The following SYT2 variants were observed in gnomAD, a reference collection of about 807,000 sequenced individuals.
SYT2 encodes the protein synaptotagmin-2.
A neutral mutation model predicts 39.9 loss-of-function variants in SYT2; 15 were observed. That is an observed-to-expected ratio of 0.38 (90% CI 0.25 to 0.58). The LOEUF (loss-of-function observed/expected upper bound fraction) is 0.58. Among genes scored for constraint, SYT2 ranks in the 20% least tolerant of loss-of-function variants. The pLI is 0.70. For missense variants in SYT2, 389 were observed against 530.3 expected (o/e 0.73, Z 2.62); for synonymous variants, 181 against 204.5 (o/e 0.89, Z 0.98).
intron 1 of SYT2, among the ~76,000 whole-genome samples, chr1:202,669,592 C>CAA (rs573028451): frequency 2.8e-5 from 4 of 142,668 alleles, no homozygotes; most frequent in African/African-American, 1.0e-4. Context: ...GACTGCATCT[C>CAA]AAAAAAAAAA....
chr1:202,623,988 T>C lies in SYT2; in HGVS notation c.-17-18199A>G, dbSNP rs868143425. Among the ~76,000 whole-genome samples the C allele has an allele frequency of 6.6e-6, 1 of 152,248 alleles. No individual in the cohort carries two copies. ...CATCTTCAATTTCAGCTACAAACTGTTACAAATTGATGCATTTTCTTTCTG... is the reference window on the plus strand; with the variant it reads ...CATCTTCAATTTCAGCTACAAACTGCTACAAATTGATGCATTTTCTTTCTG... On this transcript the variant is annotated intron_variant, in intron 1 of 8. Transcript: ENST00000367268. This position sits in a 1 kb window ranked among gnomAD's most constrained non-coding sequence, Gnocchi z 4.2.
chr1:202,599,246 C>T lies in SYT2; in HGVS notation c.1025G>A (p.Ser342Asn). ...TLNPYFNESFSFEIPFEQIQK... is the reference protein window; with the variant it reads ...TLNPYFNESFNFEIPFEQIQK... ...AATCTGCTCGAAGGGGATCTCAAAG[C>T]TGAAGGACTCGTTGAAGTATGGGTT... The change falls in exon 8 of 9, where the codon AGC becomes AAC. Residue 342 changes from serine (S) to asparagine (N), a missense_variant. By Grantham distance (46) the Ser-to-Asn change is conservative (BLOSUM62 1). Transcript: ENST00000367268. This position sits in a 1 kb window ranked among gnomAD's most constrained non-coding sequence, Gnocchi z 4.4. 6.2e-7 allele frequency: 1 copy of T among 1,613,254 alleles called. No individual in the cohort carries two copies. Among genetic ancestry groups the T allele is most frequent in the South Asian group, 1.1e-5 (1 of 90,898 alleles).
chr1:202,701,757 T>A, intron 1 of SYT2, among the ~76,000 whole-genome samples: 1 of 152,184 alleles, frequency 6.6e-6, no homozygotes, highest in East Asian at 1.9e-4. Context: ...TGGACCCCCC[T>A]GAAAATTCTT....
intron 1 of SYT2, chr1:202,639,821 G>A (rs1429136749): frequency 1.3e-5 from 13 of 985,346 alleles, no homozygotes; most frequent in Non-Finnish European, 1.6e-5. Flanking sequence ...GAGGACACAG[G>A]ACGTTGGGGC....
chr1:202,659,959 C>T (rs905209996), intron 1 of SYT2, among the ~76,000 whole-genome samples: 1 of 152,184 alleles, frequency 6.6e-6, no homozygotes, highest in East Asian at 1.9e-4. Context: ...GCAGGAGGTA[C>T]CTCCAGACCT....
intron 1 of SYT2, among the ~76,000 whole-genome samples, chr1:202,703,418 G>A (rs1654172012): frequency 2.0e-5 from 3 of 152,138 alleles, no homozygotes; most frequent in African/African-American, 7.2e-5. Context: ...AGGAACAAGT[G>A]GGGAGGGAGA....
chr1:202,664,860 T>C (rs1190299612), intron 1 of SYT2, among the ~76,000 whole-genome samples: 1 of 152,192 alleles, frequency 6.6e-6, no homozygotes, highest in African/African-American at 2.4e-5. Flanking sequence ...GGTTTCACCA[T>C]GTGGGCCAGG....
rs1303425047 is a variant in SYT2, at chr1:202,599,645, A to G, written c.920-294T>C. Among the ~76,000 whole-genome samples, 1 of 152,176 alleles carries G rather than the reference A, an allele frequency of 6.6e-6. No homozygotes were observed. Among genetic ancestry groups the G allele is most frequent in the Non-Finnish European group, 1.5e-5 (1 of 68,032 alleles). On this transcript the variant is annotated intron_variant, in intron 7 of 8. Transcript: ENST00000367268. This position sits in a 1 kb window ranked among gnomAD's most constrained non-coding sequence, Gnocchi z 4.4. ...TCTGGGGATTCATCTGTGATCCTGT[A>G]CTGGGGAGTGGGTGGGGAGTGCTGA... is the stretch of plus-strand genomic sequence containing the variant.
chr1:202,637,153 C>T (rs1691761449), intron 1 of SYT2, among the ~76,000 whole-genome samples: 1 of 152,144 alleles, frequency 6.6e-6, no homozygotes, highest in Non-Finnish European at 1.5e-5. Context: ...GAAACCCTGC[C>T]TCTACCAAAA....
At chr1:202,682,693 G>A (rs941766068) in intron 1 of SYT2, among the ~76,000 whole-genome samples, 7 of 152,080 alleles carry the variant, frequency 4.6e-5, no homozygotes, top group Admixed American at 3.3e-4. Context: ...GGGGACAACC[G>A]AGAGTCAAGG....
At chr1:202,617,192 C>A (rs1180149063) in intron 1 of SYT2, among the ~76,000 whole-genome samples, 1 of 152,192 alleles carries the variant, frequency 6.6e-6, no homozygotes. Flanking sequence ...TGCTGTGCCC[C>A]CTTCAAGGAG....
At chr1:202,632,487 G>C in intron 1 of SYT2, 3 of 892,934 alleles carry the variant, frequency 3.4e-6, no homozygotes, top group Non-Finnish European at 4.0e-6. Context: ...TGGAAGAAAG[G>C]CTGCGTAGCC....
intron 1 of SYT2, among the ~76,000 whole-genome samples, chr1:202,657,290 C>T (rs1183563326): frequency 6.6e-6 from 1 of 152,184 alleles, no homozygotes. Context: ...AGCAACCCAC[C>T]AGAAGAGTCT....
In SYT2 at chr1:202,623,132, G is replaced by A. The variant is rs1390061105; in HGVS notation, c.-17-17343C>T. On this transcript the variant is annotated intron_variant, in intron 1 of 8. Coordinates refer to ENST00000367268, the MANE Select transcript of SYT2 (RefSeq NM_177402.5). The surrounding 1 kb of genome is among the most constrained non-coding windows in gnomAD (Gnocchi z 4.2). ...AGGGGGCAGAGGGATGCCCCCGCCA[G>A]GCAAGCCCCTCAGCACACCCTCCGC... Among the ~76,000 whole-genome samples the A allele has an allele frequency of 3.9e-5, 6 of 152,166 alleles. No homozygotes were observed. The highest frequency in any genetic ancestry group is 2.9e-5 in the Non-Finnish European group (2 of 67,998).
intron 1 of SYT2, among the ~76,000 whole-genome samples, chr1:202,686,533 G>A (rs1653672216): frequency 6.6e-6 from 1 of 152,124 alleles, no homozygotes; most frequent in Non-Finnish European, 1.5e-5. Context: ...TGAGAAAGAA[G>A]TGGCATGATA....
rs541777130 is a variant in SYT2, at chr1:202,629,748, C to T, written c.-17-23959G>A. Among the ~76,000 whole-genome samples the T allele has an allele frequency of 2.7e-3, 404 of 151,924 alleles. 4 individuals carry two copies. Among genetic ancestry groups the T allele is most frequent in the African/African-American group, 8.7e-3 (362 of 41,416 alleles). On this transcript the variant is annotated intron_variant, in intron 1 of 8. Transcript: ENST00000367268. ...GCCAGGCATGGTAGTGCATGCCTGT[C>T]GTCCCAGCTACTCAGGAGGCTGAGG... is the stretch of plus-strand genomic sequence containing the variant.
At position 202,599,623 on chromosome 1, in the gene SYT2, G is replaced by C. The variant is rs918052847; in HGVS notation, c.920-272C>G. Among the ~76,000 whole-genome samples, 1 of 152,160 alleles carries C rather than the reference G, an allele frequency of 6.6e-6. No homozygotes were observed. The highest frequency in any genetic ancestry group is 2.4e-5 in the African/African-American group (1 of 41,446). On this transcript the variant is annotated intron_variant, in intron 7 of 8. Transcript: ENST00000367268. This position sits in a 1 kb window ranked among gnomAD's most constrained non-coding sequence, Gnocchi z 4.4. ...AGTAAGGCCTTGTGAGAAAGAGTCT[G>C]GGGATTCATCTGTGATCCTGTACTG...
chr1:202,615,551 C>T (rs1691010628), intron 1 of SYT2, among the ~76,000 whole-genome samples: 1 of 152,220 alleles, frequency 6.6e-6, no homozygotes, highest in Admixed American at 6.5e-5. Context: ...CCCCTCCACT[C>T]AGCCTGATCT....
rs796176516 is a variant in SYT2 at position 202,634,493 on chromosome 1, C to CA, written c.-17-28705dup. Among the ~76,000 whole-genome samples the CA allele has an allele frequency of 8.0e-3, 1,064 of 133,602 alleles. 10 individuals are homozygous for CA. The highest frequency in any genetic ancestry group is 0.025 in the African/African-American group (902 of 36,298). The allele number at this position is 133,602 out of a possible 152,430, so 87.6% of individuals were successfully genotyped here. On this transcript the variant is annotated intron_variant, in intron 1 of 8. Coordinates refer to ENST00000367268, the MANE Select transcript of SYT2 (RefSeq NM_177402.5). ...GGGCAACAAGAGTGAAACTCCATCT[C>CA]AAAAAAAAAAAAAGTATACCATTTG...
Sources: gnomAD v4.1 joint callset for allele counts (sites outside exome capture counted in the v4.1 genomes callset) on GRCh38, gnomAD v4.1.1 for gene constraint, Gnocchi (gnomAD v3.1) non-coding constraint, MANE v1.5 for transcripts, NCBI Gene and HGNC (gene_info 2026-07-23, HGNC 2026-07-21) for gene names.